The following GGACT variants were observed in gnomAD, a reference collection of about 807,000 sequenced individuals.
The protein encoded by GGACT is gamma-glutamylamine cyclotransferase, also known as gamma-glutamylaminecyclotransferase.
For missense variants in GGACT, 241 were observed against 233.2 expected (o/e 1.03, Z -0.22); for synonymous variants, 118 against 115.3 (o/e 1.02, Z -0.15).
intron 2 of GGACT, chr13:100,537,997 G>A (rs759639052): frequency 2.0e-5 from 3 of 152,254 alleles, no homozygotes; most frequent in Non-Finnish European, 4.4e-5. Context: ...TAATTCCCAG[G>A]GAGGACTTCT....
In GGACT at chr13:100,531,052, A is replaced by AGAG; in HGVS notation, c.*1075_*1077dup. Reference sequence around the variant, plus strand: ...CGATCACAGTCTGCCATTAAGTTGAAGAGTAAGTGAGCTCTCCCAACAGAG... The same window carrying AGAG: ...CGATCACAGTCTGCCATTAAGTTGAAGAGGAGTAAGTGAGCTCTCCCAACAGAG... On this transcript the variant is annotated 3_prime_UTR_variant, in exon 3 of 3. Transcript: ENST00000683975. 1 of 152,412 alleles carries AGAG rather than the reference A, an allele frequency of 6.6e-6. No homozygotes were observed. The highest frequency in any genetic ancestry group is 1.9e-4 in the East Asian group (1 of 5,194). The allele number at this position is 152,412 out of a possible 1,614,324, so 9.4% of individuals were successfully genotyped here.
intron 2 of GGACT, among the ~76,000 whole-genome samples, chr13:100,567,802 G>T (rs1874948212): frequency 6.6e-6 from 1 of 152,174 alleles, no homozygotes; most frequent in South Asian, 2.1e-4. Context: ...CTGCATTTCT[G>T]TATTAATAAC....
chr13:100,585,822 CAAAAAAAAAAAA>C (rs550006144), intron 1 of GGACT, among the ~76,000 whole-genome samples: 2,466 of 29,718 alleles, frequency 0.083, 99 homozygotes, highest in African/African-American at 0.19. Context: ...CTGTCTCCAC[CAAAAAAAAAAAA>C]AAAAAAAAAA....
intron 2 of GGACT, among the ~76,000 whole-genome samples, chr13:100,564,225 A>G (rs1043653673): frequency 6.6e-5 from 10 of 152,352 alleles, no homozygotes; most frequent in East Asian, 1.9e-4. Context: ...CTTTGGGAAA[A>G]TCATTGATTG....
chr13:100,530,452 C>T lies in GGACT; in HGVS notation c.*1678G>A, dbSNP rs554453058. 7 of 518,464 alleles carry T rather than the reference C, an allele frequency of 1.4e-5. No homozygotes were observed. The highest frequency in any genetic ancestry group is 9.6e-5 in the African/African-American group (5 of 52,124). 32.1% of individuals were successfully genotyped at this position (518,464 alleles called of 1,614,324 possible). On this transcript the variant is annotated 3_prime_UTR_variant, in exon 3 of 3. Transcript: ENST00000683975. ...TTGTCTAAATATTAGTTTGCCCTTT[C>T]TTTGAATGAAGACAATGTACACATA...
rs1370713666 is a variant in GGACT at position 100,539,678 on chromosome 13, C to T, written c.-10-7077G>A. Reference sequence around the variant, plus strand: ...TCTGTAGTTTTCTTTCTTGGAGTGTCTTTGGCCTTAGTATCAGGGTGATGC... The same window carrying T: ...TCTGTAGTTTTCTTTCTTGGAGTGTTTTTGGCCTTAGTATCAGGGTGATGC... On this transcript the variant is annotated intron_variant, in intron 2 of 2. Transcript: ENST00000683975. The T allele has an allele frequency of 5.3e-6, 3 of 561,090 alleles. No homozygotes were observed. In the African/African-American group the frequency reaches 5.7e-5, roughly 11 times the overall value. 34.8% of individuals were successfully genotyped at this position (561,090 alleles called of 1,614,324 possible). A position where few individuals can be genotyped will look rare whatever the true frequency, so the allele number is the denominator to read the frequency against.
At chr13:100,548,366 G>C (rs188262160) in intron 2 of GGACT, among the ~76,000 whole-genome samples, 1 of 152,192 alleles carries the variant, frequency 6.6e-6, no homozygotes, top group Admixed American at 6.5e-5. Flanking sequence ...GCCTTCTTAA[G>C]TGAGAAATAG....
intron 2 of GGACT, among the ~76,000 whole-genome samples, chr13:100,556,329 G>A (rs2088708104): frequency 6.6e-6 from 1 of 152,096 alleles, no homozygotes; most frequent in African/African-American, 2.4e-5. Flanking sequence ...TATTCTAACA[G>A]GGGAAAACTG....
intron 1 of GGACT, chr13:100,586,588 T>C (rs982435074): frequency 2.0e-5 from 3 of 151,852 alleles, no homozygotes; most frequent in African/African-American, 7.3e-5. Flanking sequence ...GCTCATGGTG[T>C]TGGCCACCCT....
intron 2 of GGACT, among the ~76,000 whole-genome samples, chr13:100,552,786 G>T (rs1363006650): frequency 2.0e-5 from 3 of 152,190 alleles, no homozygotes; most frequent in African/African-American, 7.2e-5. Context: ...GACAGAAAAA[G>T]CAACAGTCCT....
rs908687990 is a variant in GGACT at position 100,532,398 on chromosome 13, C to T, written c.194G>A (p.Gly65Asp). The T allele has an allele frequency of 1.9e-6, 3 of 1,550,218 alleles. No individual in the cohort carries two copies. The highest frequency in any genetic ancestry group is 1.4e-5 in the African/African-American group (1 of 73,052). ...CCGCTCGTCTACCGCGTAGACCTCGCCCTCCACGAGGCGCCCCGAGCCGGG... is the reference window on the plus strand; with the variant it reads ...CCGCTCGTCTACCGCGTAGACCTCGTCCTCCACGAGGCGCCCCGAGCCGGG... ...HLPGSGRLVE[G>D]EVYAVDERML... Residue 65 changes from glycine (G) to aspartate (D), a missense_variant, in exon 3 of 3, where the codon GGC (glycine) becomes GAC (aspartate). Physicochemically the swap from Gly to Asp is moderately conservative, Grantham distance 94. Coordinates refer to ENST00000683975, the MANE Select transcript of GGACT (RefSeq NM_001195087.2).
At chr13:100,556,555 G>T (rs1097596) in intron 2 of GGACT, among the ~76,000 whole-genome samples, 88,248 of 151,750 alleles carry the variant, frequency 0.58, 26,045 homozygotes, top group East Asian at 0.81. Context: ...CCAAATTGAG[G>T]TAGACATTCA....
In GGACT at chr13:100,532,297, C is replaced by A. The variant is rs886360281; in HGVS notation, c.295G>T (p.Glu99Ter). The change falls in exon 3 of 3, where the codon GAG (glutamate) becomes TAG (stop). Residue 99 changes from glutamate to a stop codon, truncating the protein, a stop_gained. Coordinates refer to ENST00000683975, the MANE Select transcript of GGACT (RefSeq NM_001195087.2). LOFTEE classifies it low-confidence loss of function (END_TRUNC). ...QRTVLRVQLL[E>*]DRAPGAEEPP... ...TCCTCTGCGCCCGGGGCCCGGTCCT[C>A]CAGCAGCTGTACCCGCAGCACCGTG... is the stretch of plus-strand genomic sequence containing the variant. The A allele has an allele frequency of 6.5e-7, 1 of 1,542,154 alleles. No homozygotes were observed. Among genetic ancestry groups the A allele is most frequent in the East Asian group, 2.5e-5 (1 of 40,614 alleles).
intron 2 of GGACT, among the ~76,000 whole-genome samples, chr13:100,576,602 G>A (rs1244325249): frequency 3.3e-5 from 5 of 152,226 alleles, no homozygotes. Flanking sequence ...ATGGCGATAA[G>A]AAAGGACATA....
chr13:100,531,803 TTTA>T lies in GGACT; in HGVS notation c.*324_*326del, dbSNP rs869189099. 4.9e-5 allele frequency: 3 copies of T among 61,736 alleles called. No homozygotes were observed. The highest frequency in any genetic ancestry group is 7.1e-5 in the Non-Finnish European group (3 of 42,548). The allele number at this position is 61,736 out of a possible 1,614,324, so 3.8% of individuals were successfully genotyped here. ...CAAGTCTTTACACTGATCCTAAATA[TTTA>T]TTATTATCTTGAGCTCAAAGCAGAG... On this transcript the variant is annotated 3_prime_UTR_variant, in exon 3 of 3. Transcript: ENST00000683975.
At chr13:100,535,520 C>T (rs868527654) in intron 2 of GGACT, among the ~76,000 whole-genome samples, 102 of 152,180 alleles carry the variant, frequency 6.7e-4, no homozygotes, top group African/African-American at 2.4e-3. Flanking sequence ...GCCTCAGAGA[C>T]CGCGGTGGGT....
intron 2 of GGACT, chr13:100,536,387 A>G (rs1324804746): frequency 6.6e-6 from 1 of 151,752 alleles, no homozygotes; most frequent in Non-Finnish European, 1.5e-5. Context: ...TCAGCCTCCA[A>G]TGTTTTTATA....
intron 2 of GGACT, among the ~76,000 whole-genome samples, chr13:100,576,168 G>C (rs9557456): frequency 0.021 from 3,130 of 152,136 alleles, 91 homozygotes; most frequent in East Asian, 0.15. Context: ...TTGAAAACAG[G>C]TATATGAATT....
At chr13:100,553,473 G>A (rs891730563) in intron 2 of GGACT, among the ~76,000 whole-genome samples, 1 of 152,150 alleles carries the variant, frequency 6.6e-6, no homozygotes, top group African/African-American at 2.4e-5. Flanking sequence ...GCAGCAACAC[G>A]ATGGCATTCA....
Sources: allele counts gnomAD v4.1 joint callset (sites outside exome capture counted in the v4.1 genomes callset), GRCh38; gene constraint gnomAD v4.1.1; transcripts MANE v1.5; gene names NCBI Gene and HGNC (gene_info 2026-07-23, HGNC 2026-07-21).